Variants in MYT1L observed in about 807,000 individuals in gnomAD.
MYT1L encodes myelin transcription factor 1 like, also known as myelin transcription factor 1-like protein.
In MYT1L, 12 loss-of-function variants were observed where a neutral mutation model predicts 126.7. The ratio of observed to expected loss-of-function variants is 0.09; its 90% CI spans 0.06 to 0.15. The LOEUF (loss-of-function observed/expected upper bound fraction) is 0.15. Among genes scored for constraint, MYT1L ranks in the 10% least tolerant of loss-of-function variants. MYT1L has a pLI of 1.00. For missense variants in MYT1L, 979 were observed against 1,585.2 expected (o/e 0.62, Z 6.49); for synonymous variants, 541 against 604.2 (o/e 0.90, Z 1.53).
chr2:2,176,274 G>C (rs774704568), intron 2 of MYT1L, among the ~76,000 whole-genome samples: 3 of 152,124 alleles, frequency 2.0e-5, no homozygotes, highest in Non-Finnish European at 4.4e-5. Flanking sequence ...ATCAGGAAAA[G>C]AATGTACAGC....
At chr2:1,860,418 C>G (rs557624080) in intron 18 of MYT1L, among the ~76,000 whole-genome samples, 135 of 152,298 alleles carry the variant, frequency 8.9e-4, no homozygotes, top group African/African-American at 3.2e-3. Flanking sequence ...CAGGGCCTGA[C>G]GCATTCAAAC....
At chr2:1,900,945 C>T (rs1444012123) in intron 14 of MYT1L, among the ~76,000 whole-genome samples, 1 of 152,208 alleles carries the variant, frequency 6.6e-6, no homozygotes, top group Non-Finnish European at 1.5e-5. Flanking sequence ...TGTGATGGCG[C>T]CACAGAGTGC....
intron 2 of MYT1L, among the ~76,000 whole-genome samples, chr2:2,277,389 T>C (rs1398416285): frequency 1.3e-5 from 2 of 152,204 alleles, no homozygotes; most frequent in Non-Finnish European, 2.9e-5. Context: ...ACCACTTCTG[T>C]TACCTCCCAT....
At chr2:2,281,852 G>A (rs1046341129) in intron 2 of MYT1L, among the ~76,000 whole-genome samples, 2 of 152,136 alleles carry the variant, frequency 1.3e-5, no homozygotes, top group African/African-American at 4.8e-5. Context: ...AATGGAATGA[G>A]TTGCCTTGTT....
chr2:2,083,175 T>G (rs2076011801), intron 3 of MYT1L, among the ~76,000 whole-genome samples: 2 of 152,206 alleles, frequency 1.3e-5, no homozygotes, highest in South Asian at 4.1e-4. Flanking sequence ...TTGGAATACT[T>G]TTGCTTTGAA....
chr2:2,296,405 C>T (rs535974258), intron 1 of MYT1L, among the ~76,000 whole-genome samples: 1 of 152,116 alleles, frequency 6.6e-6, no homozygotes, highest in East Asian at 1.9e-4. Flanking sequence ...ACAATGACAA[C>T]TATTTCCATT....
At chr2:2,183,832 A>AAAGG (rs541999048) in intron 2 of MYT1L, among the ~76,000 whole-genome samples, 2 of 145,942 alleles carry the variant, frequency 1.4e-5, no homozygotes, top group East Asian at 4.1e-4. Flanking sequence ...AAGGAAGAAA[A>AAAGG]AAGGAAGGAA....
intron 8 of MYT1L, among the ~76,000 whole-genome samples, chr2:1,949,821 C>T (rs76652670): frequency 1.2e-4 from 19 of 152,216 alleles, no homozygotes; most frequent in South Asian, 2.1e-4. Context: ...ATTGACCAGT[C>T]GGCTCAGAGG....
At chr2:2,110,996 G>A (rs2079374556) in intron 3 of MYT1L, among the ~76,000 whole-genome samples, 1 of 152,194 alleles carries the variant, frequency 6.6e-6, no homozygotes, top group African/African-American at 2.4e-5. Context: ...CCAGCTATGG[G>A]GCATGGGCTC....
chr2:2,291,535 A>C (rs1015961161), intron 1 of MYT1L, among the ~76,000 whole-genome samples: 16 of 152,262 alleles, frequency 1.1e-4, no homozygotes, highest in African/African-American at 3.9e-4. Flanking sequence ...GAAGCTCATC[A>C]CACAAACTGG....
At chr2:2,067,770 T>G (rs979481461) in intron 3 of MYT1L, among the ~76,000 whole-genome samples, 1 of 152,272 alleles carries the variant, frequency 6.6e-6, no homozygotes, top group Admixed American at 6.5e-5. Flanking sequence ...CAAGTTATAA[T>G]CTGGAAGAAG....
At chr2:2,042,134 A>G (rs984719433) in intron 4 of MYT1L, among the ~76,000 whole-genome samples, 1 of 152,226 alleles carries the variant, frequency 6.6e-6, no homozygotes, top group Non-Finnish European at 1.5e-5. Flanking sequence ...GCAGCCCCGC[A>G]ATCCTGAGGA....
At position 1,848,274 on chromosome 2, in the gene MYT1L, TACA is replaced by T. The variant is rs2042760243; in HGVS notation, c.2774+3364_2774+3366del. 6.7e-6 allele frequency among the ~76,000 whole-genome samples: 1 copy of T among 149,368 alleles called. No homozygotes were observed. Among genetic ancestry groups the T allele is most frequent in the Admixed American group, 6.7e-5 (1 of 15,016 alleles). Reference sequence around the variant, plus strand: ...GTCCTGGGAGCAGGAGGGAGAATTCTACAGACACCACGGAAGCGCGAGGCATTT... The same window carrying T: ...GTCCTGGGAGCAGGAGGGAGAATTCTGACACCACGGAAGCGCGAGGCATTT... On this transcript the variant is annotated intron_variant, in intron 19 of 24. Transcript: ENST00000647738. This position sits in a 1 kb window ranked among gnomAD's most constrained non-coding sequence, Gnocchi z 4.8.
In MYT1L at chr2:1,803,611, G is replaced by A. The variant is rs79429984; in HGVS notation, c.3173-1812C>T. Among the ~76,000 whole-genome samples the A allele has an allele frequency of 9.2e-3, 1,405 of 152,274 alleles. 23 individuals carry two copies. The highest frequency in any genetic ancestry group is 0.031 in the African/African-American group (1,285 of 41,544). On this transcript the variant is annotated intron_variant, in intron 22 of 24. Coordinates refer to ENST00000647738, the MANE Select transcript of MYT1L (RefSeq NM_001303052.2). ...CCTTTCATCTCTAATTTTGTTCTGG[G>A]AGTGATGGATGGGTGGATATTACTT...
intron 11 of MYT1L, among the ~76,000 whole-genome samples, chr2:1,915,114 T>C (rs2052635689): frequency 1.3e-5 from 2 of 152,132 alleles, no homozygotes; most frequent in African/African-American, 2.4e-5. Flanking sequence ...TCTCGGGCAA[T>C]GGCGTGTCCT....
At chr2:2,000,974 T>C (rs1451775414) in intron 4 of MYT1L, among the ~76,000 whole-genome samples, 1 of 152,212 alleles carries the variant, frequency 6.6e-6, no homozygotes, top group African/African-American at 2.4e-5. Context: ...ACGGGTTTTC[T>C]CTCTGAACAG....
intron 4 of MYT1L, among the ~76,000 whole-genome samples, chr2:2,000,865 G>A (rs1433146115): frequency 6.6e-6 from 1 of 152,150 alleles, no homozygotes. Flanking sequence ...TCTATGCTAT[G>A]CATGCGTGGT....
chr2:1,996,603 G>A (rs111475064), intron 5 of MYT1L, among the ~76,000 whole-genome samples: 3 of 138,744 alleles, frequency 2.2e-5, no homozygotes, highest in African/African-American at 5.5e-5. Context: ...GGGCCGCCCT[G>A]CCTCAGTGTG....
At chr2:1,970,409 A>C in intron 8 of MYT1L, among the ~76,000 whole-genome samples, 1 of 151,830 alleles carries the variant, frequency 6.6e-6, no homozygotes. Context: ...TGGTGAGAGG[A>C]CTCTCATACT....
Sources: allele counts gnomAD v4.1 joint callset (sites outside exome capture counted in the v4.1 genomes callset), GRCh38; gene constraint gnomAD v4.1.1; non-coding constraint Gnocchi (gnomAD v3.1); transcripts MANE v1.5; gene names NCBI Gene and HGNC (gene_info 2026-07-23, HGNC 2026-07-21).